The following PIP5K1B variants were observed in gnomAD, a reference collection of about 807,000 sequenced individuals.
PIP5K1B encodes the protein phosphatidylinositol 4-phosphate 5-kinase type-1 beta.
PIP5K1B carries 42 observed loss-of-function variants against 67.0 expected under a neutral mutation model. The ratio of observed to expected loss-of-function variants is 0.63; its 90% CI spans 0.49 to 0.81. PIP5K1B has a LOEUF of 0.81. Among genes scored for constraint, PIP5K1B ranks in the 30% least tolerant of loss-of-function variants. The pLI, the probability that PIP5K1B is intolerant of heterozygous loss-of-function variation, is 0.00. For synonymous variants in PIP5K1B, 214 were observed against 231.4 expected, an observed-to-expected ratio of 0.92 and a Z score of 0.68; for missense variants, 459 against 646.3, an observed-to-expected ratio of 0.71 and a Z score of 3.14.
intron 3 of PIP5K1B, among the ~76,000 whole-genome samples, chr9:68,819,747 G>T (rs1276094290): frequency 6.6e-6 from 1 of 152,048 alleles, no homozygotes; most frequent in East Asian, 1.9e-4. Context: ...CATCTTATTT[G>T]TCCCTGCTAC....
chr9:68,775,335 A>AT (rs1289910622), intron 2 of PIP5K1B, among the ~76,000 whole-genome samples: 1 of 151,870 alleles, frequency 6.6e-6, no homozygotes, highest in Non-Finnish European at 1.5e-5. Flanking sequence ...ATCTCAGCAT[A>AT]TTTTTTTTCA....
intron 8 of PIP5K1B, among the ~76,000 whole-genome samples, 162 bp from the exon 9 acceptor site, chr9:68,917,386 A>T (rs1038857667): frequency 2.6e-5 from 4 of 152,170 alleles, no homozygotes; most frequent in Non-Finnish European, 4.4e-5. Flanking sequence ...TGGCCTAATA[A>T]TAACCTCAAG....
intron 1 of PIP5K1B, among the ~76,000 whole-genome samples, chr9:68,706,541 G>A (rs930796424): frequency 4.5e-4 from 68 of 152,324 alleles, no homozygotes; most frequent in African/African-American, 1.6e-3. Context: ...TATTTGGGTA[G>A]ATTGATTAAT....
chr9:68,962,652 T>C (rs1828813782), intron 14 of PIP5K1B, among the ~76,000 whole-genome samples: 1 of 152,194 alleles, frequency 6.6e-6, no homozygotes, highest in Admixed American at 6.5e-5. Flanking sequence ...GAATTAAAAT[T>C]ATGGGCAGGG....
At chr9:68,995,034 C>T (rs1208775924) in intron 15 of PIP5K1B, among the ~76,000 whole-genome samples, 1 of 151,770 alleles carries the variant, frequency 6.6e-6, no homozygotes, top group East Asian at 1.9e-4. Context: ...GTCCCAGCTA[C>T]TTGTGAGGCT....
chr9:68,938,190 C>T (rs951215387), intron 13 of PIP5K1B, among the ~76,000 whole-genome samples: 1 of 152,118 alleles, frequency 6.6e-6, no homozygotes, highest in African/African-American at 2.4e-5. Context: ...CTAATATTGA[C>T]AGTGGGGTGC....
At chr9:68,801,419 G>C (rs184147615) in intron 2 of PIP5K1B, among the ~76,000 whole-genome samples, 2 of 152,208 alleles carry the variant, frequency 1.3e-5, no homozygotes, top group East Asian at 1.9e-4. Flanking sequence ...GGTTTATGCT[G>C]TTCCTTGATG....
chr9:68,772,807 T>G (rs1830729921), intron 2 of PIP5K1B, among the ~76,000 whole-genome samples: 1 of 152,058 alleles, frequency 6.6e-6, no homozygotes, highest in African/African-American at 2.4e-5. Flanking sequence ...AAACTGAAAG[T>G]AAGAGAACAG....
intron 15 of PIP5K1B, among the ~76,000 whole-genome samples, chr9:68,999,363 G>A (rs1266249148): frequency 2.0e-5 from 3 of 152,144 alleles, no homozygotes; most frequent in Non-Finnish European, 2.9e-5. Flanking sequence ...TGAATTAACT[G>A]CTCCTTACCA....
At chr9:68,994,035 G>C (rs1305003655) in intron 15 of PIP5K1B, among the ~76,000 whole-genome samples, 1 of 109,080 alleles carries the variant, frequency 9.2e-6, no homozygotes, top group Non-Finnish European at 2.0e-5. Context: ...GTTTTTTCCT[G>C]AATTTTTTTT....
At chr9:68,706,950 A>C (rs1827153609) in intron 1 of PIP5K1B, among the ~76,000 whole-genome samples, 1 of 152,220 alleles carries the variant, frequency 6.6e-6, no homozygotes, top group Non-Finnish European at 1.5e-5. Context: ...TGATGAAGTA[A>C]GGATGGGTTT....
chr9:68,867,443 A>C (rs1327271881), intron 5 of PIP5K1B, among the ~76,000 whole-genome samples: 1 of 152,254 alleles, frequency 6.6e-6, no homozygotes, highest in Non-Finnish European at 1.5e-5. Context: ...TCGTGGATTT[A>C]GCAAAGGGAT....
At chr9:68,985,741 C>T (rs1830071093) in intron 14 of PIP5K1B, among the ~76,000 whole-genome samples, 2 of 152,234 alleles carry the variant, frequency 1.3e-5, no homozygotes. Flanking sequence ...AGTCTCTTCA[C>T]CAGAGAGCTC....
At chr9:68,873,705 AGG>A (rs1475877673) in intron 5 of PIP5K1B, among the ~76,000 whole-genome samples, 2 of 151,974 alleles carry the variant, frequency 1.3e-5, no homozygotes, top group Non-Finnish European at 2.9e-5. Flanking sequence ...CAAATGTGTT[AGG>A]GGCTCCCTGC....
intron 12 of PIP5K1B, among the ~76,000 whole-genome samples, chr9:68,933,258 A>G (rs1262123024): frequency 6.6e-6 from 1 of 151,296 alleles, no homozygotes; most frequent in African/African-American, 2.4e-5. Flanking sequence ...CTGCATGTTC[A>G]GCACATGTAT....
chr9:68,938,633 T>C (rs913634308), intron 13 of PIP5K1B, among the ~76,000 whole-genome samples: 2 of 152,182 alleles, frequency 1.3e-5, no homozygotes, highest in Non-Finnish European at 2.9e-5. Context: ...ATCCCGTCAT[T>C]ATGATGCTAG....
Position 68,863,764 on chromosome 9 carries a change from G to T in PIP5K1B, c.70-73G>T, listed in dbSNP as rs1161070552. ...AGAAAGAGAATTGAACCTCACTCAT[G>T]TTTTGTTGCCTGTACCATTGAACAA... On this transcript the variant is annotated intron_variant, in intron 4 of 15. Transcript: ENST00000265382. The T allele has an allele frequency of 3.8e-6, 5 of 1,329,200 alleles. No individual in the cohort carries two copies. In the East Asian group the frequency reaches 1.2e-4, roughly 32 times the overall value. The allele number at this position is 1,329,200 out of a possible 1,614,324, so 82.3% of individuals were successfully genotyped here.
chr9:68,737,848 C>A (rs1828812984), intron 1 of PIP5K1B, among the ~76,000 whole-genome samples: 1 of 152,156 alleles, frequency 6.6e-6, no homozygotes, highest in Non-Finnish European at 1.5e-5. Flanking sequence ...TCTACTAATG[C>A]GTAGTGACCA....
At chr9:68,857,592 G>A (rs1361889650) in intron 4 of PIP5K1B, among the ~76,000 whole-genome samples, 1 of 152,216 alleles carries the variant, frequency 6.6e-6, no homozygotes, top group Non-Finnish European at 1.5e-5. Flanking sequence ...TGGACCAGGT[G>A]TGGCGGCTCA....
Sources: gnomAD v4.1 joint callset for allele counts (sites outside exome capture counted in the v4.1 genomes callset) on GRCh38, gnomAD v4.1.1 for gene constraint, MANE v1.5 for transcripts, NCBI Gene and HGNC (gene_info 2026-07-23, HGNC 2026-07-21) for gene names.